Variants in F13A1 observed in about 807,000 individuals in gnomAD.
The protein encoded by F13A1 is FSF, A subunit.
F13A1 carries 47 observed loss-of-function variants against 80.1 expected under a neutral mutation model. The observed-to-expected ratio is 0.59, with a 90% CI of 0.46 to 0.75. The LOEUF is 0.75. Ranked by LOEUF, F13A1 falls within the 30% of genes least tolerant of loss-of-function variation. F13A1 has a pLI of 0.00. For missense variants in F13A1, 817 were observed against 930.4 expected (o/e 0.88, Z 1.59); for synonymous variants, 349 against 344.9 (o/e 1.01, Z -0.13).
At chr6:6,207,206 G>C (rs1261400807) in intron 8 of F13A1, among the ~76,000 whole-genome samples, 2 of 152,140 alleles carry the variant, frequency 1.3e-5, no homozygotes, top group Non-Finnish European at 2.9e-5. Context: ...CAGTAGCTTT[G>C]CAAACTTGCA....
intron 14 of F13A1, among the ~76,000 whole-genome samples, chr6:6,146,182 TA>T (rs1473932174): frequency 4.6e-5 from 7 of 152,206 alleles, no homozygotes; most frequent in African/African-American, 1.7e-4. Context: ...TACAGTCCTA[TA>T]TGAATCCCCC....
At chr6:6,202,064 A>G (rs1300941607) in intron 8 of F13A1, among the ~76,000 whole-genome samples, 1 of 151,540 alleles carries the variant, frequency 6.6e-6, no homozygotes, top group Non-Finnish European at 1.5e-5. Flanking sequence ...AGTTAATAAC[A>G]TATCGATTAC....
chr6:6,215,074 G>A, intron 8 of F13A1, among the ~76,000 whole-genome samples: 1 of 106,218 alleles, frequency 9.4e-6, no homozygotes, highest in Non-Finnish European at 2.0e-5. Flanking sequence ...GGACCAGATG[G>A]ATTCACAGCC....
chr6:6,256,226 C>T lies in F13A1; in HGVS notation c.572-5297G>A, dbSNP rs559396936. Among the ~76,000 whole-genome samples the T allele has an allele frequency of 2.6e-3, 391 of 152,092 alleles. 6 individuals carry two copies. Among genetic ancestry groups the T allele is most frequent in the African/African-American group, 8.7e-3 (359 of 41,458 alleles). On this transcript the variant is annotated intron_variant, in intron 4 of 14. Coordinates refer to ENST00000264870, the MANE Select transcript of F13A1 (RefSeq NM_000129.4). ...ACAATTTGGACTGGTAGAAGGTAGA[C>T]GTGTATGAGGCTTGTGTGGAATGTG...
chr6:6,304,496 A>C (rs1460238802), intron 3 of F13A1, among the ~76,000 whole-genome samples: 1 of 152,204 alleles, frequency 6.6e-6, no homozygotes, highest in African/African-American at 2.4e-5. Context: ...AAATTAATTT[A>C]AGAAGCACCA....
rs1760260343 is a variant in F13A1, at chr6:6,145,488, T to C, written c.*131A>G. ...TTTTTGAAATATGTGGGATCTCCACTCTGGAGCCCTCTGCAGTCCTGTCTG... is the reference window on the plus strand; with the variant it reads ...TTTTTGAAATATGTGGGATCTCCACCCTGGAGCCCTCTGCAGTCCTGTCTG... On this transcript the variant is annotated 3_prime_UTR_variant, in exon 15 of 15. Transcript: ENST00000264870. 2.6e-6 allele frequency: 3 copies of C among 1,147,510 alleles called. No individual in the cohort carries two copies. The highest frequency in any genetic ancestry group is 1.9e-4 in the Middle Eastern group (1 of 5,238). The allele number at this position is 1,147,510 out of a possible 1,614,324, so 71.1% of individuals were successfully genotyped here.
intron 8 of F13A1, among the ~76,000 whole-genome samples, chr6:6,216,082 G>A (rs1209462350): frequency 6.7e-5 from 10 of 148,480 alleles, no homozygotes; most frequent in South Asian, 4.4e-4. Flanking sequence ...AATCAATATC[G>A]TGAAAATGGC....
At chr6:6,289,884 C>T (rs954027286) in intron 3 of F13A1, among the ~76,000 whole-genome samples, 1 of 151,852 alleles carries the variant, frequency 6.6e-6, no homozygotes, top group Non-Finnish European at 1.5e-5. Flanking sequence ...TTTTGAGACC[C>T]GCCTCAAATA....
At chr6:6,305,019 A>G (rs1758491978) in intron 3 of F13A1, 1 of 397,630 alleles carries the variant, frequency 2.5e-6, no homozygotes, top group South Asian at 2.3e-5. Context: ...AAACATTTTC[A>G]GCACGAGACC....
intron 2 of F13A1, among the ~76,000 whole-genome samples, chr6:6,316,871 G>A (rs1758693405): frequency 6.6e-6 from 1 of 152,216 alleles, no homozygotes; most frequent in Non-Finnish European, 1.5e-5. Flanking sequence ...CTTTCCCAGA[G>A]TGAGCAAGAA....
intron 1 of F13A1, among the ~76,000 whole-genome samples, chr6:6,319,583 T>C (rs967190510): frequency 2.6e-5 from 4 of 152,150 alleles, no homozygotes; most frequent in Non-Finnish European, 1.5e-5. Flanking sequence ...ACTTTGTTTC[T>C]GGGCCCAGTG....
intron 13 of F13A1, among the ~76,000 whole-genome samples, chr6:6,153,728 G>T (rs1264225961): frequency 1.3e-5 from 2 of 152,090 alleles, no homozygotes; most frequent in Non-Finnish European, 1.5e-5. Flanking sequence ...GGTAATGGGT[G>T]GATCCTGTAA....
chr6:6,237,823 G>T (rs1237305784), intron 6 of F13A1, among the ~76,000 whole-genome samples: 1 of 152,142 alleles, frequency 6.6e-6, no homozygotes, highest in East Asian at 1.9e-4. Flanking sequence ...CACAGAGTGG[G>T]AACTCAATAA....
Position 6,162,462 on chromosome 6 carries a change from G to A in F13A1, c.1908+4996C>T, listed in dbSNP as rs756537034. 1.2e-4 allele frequency among the ~76,000 whole-genome samples: 18 copies of A among 152,096 alleles called. No homozygotes were observed. Among genetic ancestry groups the A allele is most frequent in the Admixed American group, 2.6e-4 (4 of 15,270 alleles). ...TGTCCCACACCACTCAAGTGTGTGTGATCTCTCCTCCCTTGAATACAAAAC... is the reference window on the plus strand; with the variant it reads ...TGTCCCACACCACTCAAGTGTGTGTAATCTCTCCTCCCTTGAATACAAAAC... On this transcript the variant is annotated intron_variant, in intron 13 of 14. Coordinates refer to ENST00000264870, the MANE Select transcript of F13A1 (RefSeq NM_000129.4). This position sits in a 1 kb window ranked among gnomAD's most constrained non-coding sequence, Gnocchi z 4.2.
chr6:6,186,636 T>C (rs970458798), intron 10 of F13A1, among the ~76,000 whole-genome samples: 1 of 152,236 alleles, frequency 6.6e-6, no homozygotes, highest in Non-Finnish European at 1.5e-5. Flanking sequence ...CCTTGTAGTA[T>C]AGTTTGAAGT....
chr6:6,248,363 G>A lies in F13A1; in HGVS notation c.747C>T (p.Asp249=). 6.2e-7 allele frequency: 1 copy of A among 1,613,906 alleles called. No homozygotes were observed. Residue 249 remains aspartate, a synonymous_variant, in exon 6 of 15, where the codon GAC becomes GAT. Transcript: ENST00000264870. ...CLYVMDRAQM[D]LSGRGNPIKV... is the part of the protein sequence containing the mutation. ...TGATGGGATTCCCTCTTCCAGAGAG[G>A]TCCATTTGTGCTCTGTCCATCACAT... is the stretch of plus-strand genomic sequence containing the variant.
intron 3 of F13A1, among the ~76,000 whole-genome samples, chr6:6,303,258 A>C (rs909923786): frequency 6.6e-6 from 1 of 152,198 alleles, no homozygotes; most frequent in Non-Finnish European, 1.5e-5. Context: ...CCAGGTAATT[A>C]TTATTTCAAA....
At chr6:6,256,359 T>C (rs570874963) in intron 4 of F13A1, among the ~76,000 whole-genome samples, 3 of 152,258 alleles carry the variant, frequency 2.0e-5, no homozygotes, top group South Asian at 2.1e-4. Context: ...TCTTTGATCG[T>C]AGGTGACCTC....
intron 8 of F13A1, among the ~76,000 whole-genome samples, chr6:6,208,537 T>G (rs1291978075): frequency 1.3e-5 from 2 of 152,206 alleles, no homozygotes; most frequent in African/African-American, 4.8e-5. Context: ...GATATTATTA[T>G]GTACATTGAA....
Sources: gnomAD v4.1 joint callset for allele counts (sites outside exome capture counted in the v4.1 genomes callset) on GRCh38, gnomAD v4.1.1 for gene constraint, Gnocchi (gnomAD v3.1) non-coding constraint, MANE v1.5 for transcripts, NCBI Gene and HGNC (gene_info 2026-07-23, HGNC 2026-07-21) for gene names.